Variants in ACADVL observed in about 807,000 individuals in gnomAD.
ACADVL encodes the protein very long-chain acyl-CoA dehydrogenase, mitochondrial.
Under a neutral mutation model 80.4 loss-of-function variants are expected in ACADVL, and 73 were observed. The observed-to-expected ratio is 0.91, with a 90% CI of 0.75 to 1.10. ACADVL has a LOEUF of 1.10. Among genes scored for constraint, ACADVL ranks in the 50% least tolerant of loss-of-function variants. ACADVL has a pLI of 0.00. For missense variants in ACADVL, 878 were observed against 858.9 expected (o/e 1.02, Z -0.28); for synonymous variants, 392 against 326.5 (o/e 1.20, Z -2.16).
rs372982295 is a variant in ACADVL at position 7,220,091 on chromosome 17, C to T, written c.63-31C>T. 71 of 1,592,076 alleles carry T rather than the reference C, an allele frequency of 4.5e-5. No homozygotes were observed. The Middle Eastern group carries it at 1.0e-3, about 23-fold the overall frequency. On this transcript the variant is annotated intron_variant, in intron 1 of 19. Coordinates refer to ENST00000356839, the MANE Select transcript of ACADVL (RefSeq NM_000018.4). ...GACGGTGGGCAGCGGCCCTGGGCAC[C>T]GGGCCGGCACTGAACCCCCACTCCC...
chr17:7,217,812 C>T (rs781755362), upstream of ACADVL: 63 of 1,534,982 alleles, frequency 4.1e-5, 1 homozygote, highest in Middle Eastern at 3.3e-4. Flanking sequence ...ACAGCAAAGA[C>T]GATGAGGCTG....
In ACADVL at chr17:7,224,682, C is replaced by T. The variant is rs372452333; in HGVS notation, c.1719C>T (p.Ile573=). The T allele has an allele frequency of 1.3e-5, 20 of 1,572,708 alleles. No homozygotes were observed. Among genetic ancestry groups the T allele is most frequent in the African/African-American group, 1.2e-4 (9 of 73,242 alleles). Residue 573 remains isoleucine (I), a synonymous_variant, in exon 18 of 20, where the codon ATC becomes ATT. Transcript: ENST00000356839. ...TGCAGCGGCTGGCAGACGGGGCCAT[C>T]GACCTCTATGCCATGGTGGTGGTTC... is the stretch of plus-strand genomic sequence containing the variant. ...FLLQRLADGA[I]DLYAMVVVLS...
intron 10 of ACADVL, 121 bp from the exon 11 acceptor site, chr17:7,223,012 C>T (rs376275471): frequency 4.9e-6 from 7 of 1,436,914 alleles, no homozygotes; most frequent in Admixed American, 3.5e-5. Context: ...GGTCTCCATC[C>T]AGCGTAGACT....
At chr17:7,217,685 T>A, upstream of ACADVL, 2 of 1,517,648 alleles carry the variant, frequency 1.3e-6, no homozygotes, top group Non-Finnish European at 8.8e-7. Context: ...GGGGGGTGCC[T>A]TGGCAGAGTT....
In ACADVL at chr17:7,221,038, G is replaced by T. The variant is rs894284973; in HGVS notation, c.457G>T (p.Val153Leu). ...GLQVPSELGG[V>L]GLCNTQYARL... is the part of the protein sequence containing the mutation. The stretch of plus-strand genomic sequence containing the variant: ...GCAAGTGCCCAGTGAGCTGGGTGGT[G>T]TGGGCCTTTGCAACACCCAGGTGAG... Residue 153 changes from valine (V) to leucine (L), a missense_variant, in exon 6 of 20, where the codon GTG becomes TTG. Coordinates refer to ENST00000356839, the MANE Select transcript of ACADVL (RefSeq NM_000018.4). 5 of 1,613,848 alleles carry T rather than the reference G, an allele frequency of 3.1e-6. No homozygotes were observed. In the Admixed American group the frequency reaches 8.3e-5, roughly 27 times the overall value.
In ACADVL at chr17:7,224,247, G is replaced by A; in HGVS notation, c.1532+4G>A. The A allele has an allele frequency of 6.2e-7, 1 of 1,613,788 alleles. No individual in the cohort carries two copies. The highest frequency in any genetic ancestry group is 8.5e-7 in the Non-Finnish European group (1 of 1,180,010). On this transcript the variant is annotated splice_donor_region_variant and intron_variant, in intron 15 of 19. Transcript: ENST00000356839. ...AGGCAGGCAAACAGCTGAGGCGGTA[G>A]GCTTAGGGCCAGAGCCAGGGGAGGG...
chr17:7,221,908 G>A (rs2142976213), intron 7 of ACADVL, 44 bp from the exon 8 acceptor site: 1 of 1,613,844 alleles, frequency 6.2e-7, no homozygotes, highest in Non-Finnish European at 8.5e-7. Context: ...AGGGGACTTT[G>A]AAGCTCATCA....
At chr17:7,221,787 G>A (rs2071241502) in intron 7 of ACADVL, 105 bp downstream of exon 7, 1 of 1,599,024 alleles carries the variant, frequency 6.3e-7, no homozygotes, top group Non-Finnish European at 8.5e-7. Flanking sequence ...TTTCAGTTGG[G>A]GGAAGGTTTT....
upstream of ACADVL, chr17:7,218,235 C>G (rs761667426): frequency 6.2e-7 from 1 of 1,608,306 alleles, no homozygotes; most frequent in East Asian, 2.2e-5. Context: ...GCCCCCACCT[C>G]CTTACCTGAC....
intron 6 of ACADVL, 196 bp from the exon 7 acceptor site, chr17:7,221,342 A>G: frequency 2.9e-6 from 3 of 1,034,360 alleles, no homozygotes; most frequent in South Asian, 2.9e-5. Context: ...ACCTAGACCT[A>G]AGACAGACCA....
chr17:7,223,176 A>G lies in ACADVL; in HGVS notation c.1121A>G (p.His374Arg). The G allele has an allele frequency of 6.2e-7, 1 of 1,614,118 alleles. No individual in the cohort carries two copies. The highest frequency in any genetic ancestry group is 1.1e-5 in the South Asian group (1 of 91,076). The change falls in exon 11 of 20, where the codon CAC (histidine) becomes CGC (arginine). Residue 374 changes from histidine (H) to arginine (R), a missense_variant. Coordinates refer to ENST00000356839, the MANE Select transcript of ACADVL (RefSeq NM_000018.4). ...TNRTQFGEKI[H>R]NFGLIQEKLA... ...CGTACCCAGTTTGGGGAGAAAATTC[A>G]CAACTTTGGGCTGATCCAGGAGAAG... is the stretch of plus-strand genomic sequence containing the variant.
In ACADVL at chr17:7,219,981, G is replaced by C; in HGVS notation, c.-4G>C. 1.2e-6 allele frequency: 2 copies of C among 1,601,834 alleles called. No individual in the cohort carries two copies. Among genetic ancestry groups the C allele is most frequent in the Middle Eastern group, 3.3e-4 (2 of 6,044 alleles). The stretch of plus-strand genomic sequence containing the variant: ...GAGCCAGCGGCGCCCGGAGAGATTC[G>C]GAGATGCAGGCGGCTCGGATGGCCG... On this transcript the variant is annotated 5_prime_UTR_variant, in exon 1 of 20. Transcript: ENST00000356839.
chr17:7,223,436 T>C lies in ACADVL; in HGVS notation c.1182+199T>C, dbSNP rs149260747. On this transcript the variant is annotated intron_variant, in intron 11 of 19. Coordinates refer to ENST00000356839, the MANE Select transcript of ACADVL (RefSeq NM_000018.4). ...GTTCTGCTCAGGTGCCTGCCAGCAG[T>C]ACCAGAAGTTAATTCTACCTCATCC... is the stretch of plus-strand genomic sequence containing the variant. The C allele has an allele frequency of 1.0e-4, 83 of 798,146 alleles. No individual in the cohort carries two copies. In the East Asian group the frequency reaches 2.0e-3, roughly 19 times the overall value. 49.4% of individuals were successfully genotyped at this position (798,146 alleles called of 1,614,324 possible).
In ACADVL at chr17:7,219,998, G is replaced by T; in HGVS notation, c.14G>T (p.Arg5Leu). The T allele has an allele frequency of 6.2e-7, 1 of 1,603,550 alleles. No individual in the cohort carries two copies. The highest frequency in any genetic ancestry group is 8.5e-7 in the Non-Finnish European group (1 of 1,178,242). ...AGAGATTCGGAGATGCAGGCGGCTC[G>T]GATGGCCGCGAGCTTGGGGCGGCAG... MQAA[R>L]MAASLGRQLL... is the part of the protein sequence containing the mutation. The change falls in exon 1 of 20, where the codon CGG becomes CTG. Residue 5 changes from arginine (R) to leucine (L), a missense_variant. Physicochemically the swap from Arg to Leu is moderately radical, Grantham distance 102. Transcript: ENST00000356839.
chr17:7,224,026 C>T lies in ACADVL; in HGVS notation c.1391C>T (p.Thr464Ile), dbSNP rs1555528796. ...DLRIFRIFEG[T>I]NDILRLFVAL... Reference sequence around the variant, plus strand: ...CGCATCTTCCGGATCTTTGAGGGGACAAATGACATTCTTCGGCTGTTTGTG... The same window carrying T: ...CGCATCTTCCGGATCTTTGAGGGGATAAATGACATTCTTCGGCTGTTTGTG... Residue 464 changes from threonine (T) to isoleucine (I), a missense_variant, in exon 14 of 20, where the codon ACA (threonine) becomes ATA (isoleucine). Physicochemically the swap from Thr to Ile is moderately conservative, Grantham distance 89. Coordinates refer to ENST00000356839, the MANE Select transcript of ACADVL (RefSeq NM_000018.4). 6.2e-7 allele frequency: 1 copy of T among 1,614,080 alleles called. No individual in the cohort carries two copies. Among genetic ancestry groups the T allele is most frequent in the East Asian group, 2.2e-5 (1 of 44,876 alleles).
intron 10 of ACADVL, 62 bp downstream of exon 10, chr17:7,222,927 T>A: frequency 6.3e-7 from 1 of 1,584,060 alleles, no homozygotes; most frequent in East Asian, 2.2e-5. Context: ...CCCCTTGCCA[T>A]GTGTCCCTGA....
At position 7,224,074 on chromosome 17, in the gene ACADVL, G is replaced by T. The variant is rs1567567946; in HGVS notation, c.1434+5G>T. The T allele has an allele frequency of 6.2e-7, 1 of 1,614,096 alleles. No individual in the cohort carries two copies. The highest frequency in any genetic ancestry group is 1.1e-5 in the South Asian group (1 of 91,066). On this transcript the variant is annotated splice_donor_5th_base_variant and intron_variant, in intron 14 of 19. Transcript: ENST00000356839. ...GTGGCTCTGCAGGGCTGTATGGTAA[G>T]ACAGAGAATTGGGTGGGGGTAGAGG...
chr17:7,221,673 C>A lies in ACADVL; in HGVS notation c.613C>A (p.Leu205Met), dbSNP rs747347662. ...KAQKEKYLPK[L>M]ASGETVAAFC... ...CCAGAAAGAAAAATACCTCCCCAAG[C>A]TGGCATCTGGTGAGGCAACCCTAGG... is the stretch of plus-strand genomic sequence containing the variant. The change falls in exon 7 of 20, where the codon CTG (leucine) becomes ATG (methionine). Residue 205 changes from leucine to methionine, a missense_variant. Transcript: ENST00000356839. 1 of 1,613,840 alleles carries A rather than the reference C, an allele frequency of 6.2e-7. No individual in the cohort carries two copies. The highest frequency in any genetic ancestry group is 1.1e-5 in the South Asian group (1 of 91,088).
intron 9 of ACADVL, 29 bp from the exon 10 acceptor site, chr17:7,222,638 C>T (rs2071285158): frequency 6.3e-7 from 1 of 1,595,126 alleles, no homozygotes; most frequent in Non-Finnish European, 8.6e-7. Flanking sequence ...TTGAACACAC[C>T]TCTGCTTTCC....
Sources: gnomAD v4.1 joint callset for allele counts on GRCh38, gnomAD v4.1.1 for gene constraint, MANE v1.5 for transcripts, NCBI Gene and HGNC (gene_info 2026-07-23, HGNC 2026-07-21) for gene names.